Variants in ZNF385D observed in about 807,000 individuals in gnomAD.
The protein encoded by ZNF385D is zinc finger protein 385D.
In ZNF385D, 15 loss-of-function variants were observed where a neutral mutation model predicts 35.8. The ratio of observed to expected loss-of-function variants is 0.42; its 90% CI spans 0.28 to 0.64. The LOEUF is 0.64. Among genes scored for constraint, ZNF385D ranks in the 30% least tolerant of loss-of-function variants. The pLI, the probability that ZNF385D is intolerant of heterozygous loss-of-function variation, is 0.23. For missense variants in ZNF385D, 474 were observed against 494.6 expected (o/e 0.96, Z 0.39); for synonymous variants, 212 against 186.8 (o/e 1.13, Z -1.10).
chr3:21,772,770 G>C (rs144177580), intron 3 of ZNF385D, among the ~76,000 whole-genome samples: 182 of 152,034 alleles, frequency 1.2e-3, no homozygotes, highest in African/African-American at 4.3e-3. Flanking sequence ...GTTCATAACA[G>C]TGTTATTCAC....
intron 3 of ZNF385D, among the ~76,000 whole-genome samples, chr3:21,946,665 C>G (rs1361856166): frequency 6.6e-6 from 1 of 151,992 alleles, no homozygotes; most frequent in Non-Finnish European, 1.5e-5. Flanking sequence ...AACTCCGTCT[C>G]TATTAAAACT....
rs201074939 is a variant in ZNF385D, at chr3:21,765,643, C to A, written c.326-100615G>T. Among the ~76,000 whole-genome samples, 141 of 148,646 alleles carry A rather than the reference C, an allele frequency of 9.5e-4. 2 individuals carry two copies. The East Asian group carries it at 0.023, about 25-fold the overall frequency. ...GTGCAAGATGGATAAGCAACAACAA[C>A]AAAAAAAAAATAGAAAGAGGAAGAA... On this transcript the variant is annotated intron_variant, in intron 3 of 5. Transcript: ENST00000494108.
intron 3 of ZNF385D, among the ~76,000 whole-genome samples, chr3:21,967,673 C>G (rs1702987974): frequency 1.3e-5 from 2 of 152,186 alleles, no homozygotes; most frequent in African/African-American, 4.8e-5. Context: ...TTCTAACACA[C>G]AGAAGACCTT....
At chr3:22,114,941 C>T (rs957077742) in intron 3 of ZNF385D, among the ~76,000 whole-genome samples, 1 of 152,024 alleles carries the variant, frequency 6.6e-6, no homozygotes, top group Non-Finnish European at 1.5e-5. Context: ...CAAGAAGGGC[C>T]TCAACAGACA....
At chr3:21,678,430 C>A (rs534130569) in intron 1 of ZNF385D, among the ~76,000 whole-genome samples, 6 of 152,184 alleles carry the variant, frequency 3.9e-5, no homozygotes, top group African/African-American at 1.4e-4. Context: ...TCCCTCACAG[C>A]TATTCTTCTT....
intron 1 of ZNF385D, among the ~76,000 whole-genome samples, chr3:21,733,265 C>T (rs1210228621): frequency 2.0e-5 from 3 of 152,090 alleles, no homozygotes; most frequent in African/African-American, 7.2e-5. Flanking sequence ...TTCACCAATA[C>T]CACAATATCT....
intron 2 of ZNF385D, among the ~76,000 whole-genome samples, chr3:22,286,858 G>A (rs1702051124): frequency 6.6e-6 from 1 of 152,014 alleles, no homozygotes; most frequent in Non-Finnish European, 1.5e-5. Context: ...TTTTGTTGTT[G>A]GGTGGAATGT....
In ZNF385D at chr3:22,278,818, G is replaced by A. The variant is rs542791824; in HGVS notation, c.106+93632C>T. Among the ~76,000 whole-genome samples, 6 of 152,198 alleles carry A rather than the reference G, an allele frequency of 3.9e-5. No individual in the cohort carries two copies. The South Asian group carries it at 1.2e-3, about 32-fold the overall frequency. On this transcript the variant is annotated intron_variant, in intron 2 of 5. Transcript: ENST00000494108. ...CCTTCTCTTGGGCAGGGATCCAGAT[G>A]CTGGCTATCTTGTGGGGTCTGGGTT...
rs113245423 is a variant in ZNF385D, at chr3:21,957,648, C to G, written c.325+211169G>C. ...TTCTGCTTATGTTGGGGAATCACTG[C>G]AGGCTTTGTCTCCAGTTCTCTGCCT... On this transcript the variant is annotated intron_variant, in intron 3 of 5. Coordinates refer to the ZNF385D transcript ENST00000494108. 3.9e-4 allele frequency among the ~76,000 whole-genome samples: 60 copies of G among 152,226 alleles called. 1 individual carries two copies. The highest frequency in any genetic ancestry group is 1.3e-3 in the African/African-American group (55 of 41,552).
At chr3:21,501,628 A>G (rs1427047887) in intron 4 of ZNF385D, among the ~76,000 whole-genome samples, 1 of 152,204 alleles carries the variant, frequency 6.6e-6, no homozygotes, top group Non-Finnish European at 1.5e-5. Context: ...ATAGATACTC[A>G]TTTGACATTC....
intron 2 of ZNF385D, among the ~76,000 whole-genome samples, chr3:22,217,438 A>C (rs1027813235): frequency 2.0e-5 from 3 of 152,126 alleles, no homozygotes; most frequent in Non-Finnish European, 4.4e-5. Flanking sequence ...CAAAATTCCA[A>C]GTACATTTTA....
At chr3:22,340,015 T>C (rs970785691) in intron 2 of ZNF385D, among the ~76,000 whole-genome samples, 1 of 152,218 alleles carries the variant, frequency 6.6e-6, no homozygotes, top group African/African-American at 2.4e-5. Flanking sequence ...CTCATACTTA[T>C]TCCCCTCTTT....
intron 3 of ZNF385D, among the ~76,000 whole-genome samples, chr3:22,016,657 T>G (rs182040647): frequency 3.3e-5 from 5 of 152,156 alleles, no homozygotes; most frequent in African/African-American, 1.2e-4. Context: ...TTTAGGGGCT[T>G]TCTTAGCTCA....
intron 3 of ZNF385D, among the ~76,000 whole-genome samples, chr3:21,871,393 T>G (rs1419237915): frequency 1.3e-5 from 2 of 152,150 alleles, no homozygotes; most frequent in South Asian, 4.1e-4. Context: ...ACCCGAAATA[T>G]TAATACTATT....
intron 2 of ZNF385D, among the ~76,000 whole-genome samples, chr3:22,282,439 T>A (rs949127845): frequency 2.0e-5 from 3 of 152,100 alleles, no homozygotes; most frequent in Non-Finnish European, 4.4e-5. Flanking sequence ...GTCACTATTA[T>A]CATTTAGTTC....
At chr3:21,892,341 C>T (rs1698911738) in intron 3 of ZNF385D, among the ~76,000 whole-genome samples, 1 of 152,120 alleles carries the variant, frequency 6.6e-6, no homozygotes, top group African/African-American at 2.4e-5. Context: ...GAAATAATAG[C>T]AAATGACTGC....
intron 3 of ZNF385D, among the ~76,000 whole-genome samples, chr3:22,166,488 T>C (rs1205586035): frequency 6.6e-6 from 1 of 152,338 alleles, no homozygotes; most frequent in East Asian, 1.9e-4. Context: ...CAAGTTCAAC[T>C]ATTTAATAGC....
chr3:21,977,492 T>C (rs916551210), intron 3 of ZNF385D, among the ~76,000 whole-genome samples: 6 of 151,936 alleles, frequency 3.9e-5, no homozygotes, highest in Non-Finnish European at 8.8e-5. Flanking sequence ...GTAATAAAGA[T>C]AGGGTGGGAA....
chr3:21,419,134 T>TCTTC lies in ZNF385D; in HGVS notation c.*2076_*2079dup, dbSNP rs938978530. On this transcript the variant is annotated 3_prime_UTR_variant, in exon 8 of 8. Transcript: ENST00000281523. ...ACTGATGGAACACATTATCTTCCTTTCTTCCTTCCTTCCTTTTCTTCCCTT... is the reference window on the plus strand; with the variant it reads ...ACTGATGGAACACATTATCTTCCTTTCTTCCTTCCTTCCTTCCTTTTCTTCCCTT... The TCTTC allele has an allele frequency of 5.2e-5, 8 of 153,698 alleles. No homozygotes were observed. Among genetic ancestry groups the TCTTC allele is most frequent in the Non-Finnish European group, 7.3e-5 (5 of 68,548 alleles). The allele number at this position is 153,698 out of a possible 1,614,324, so 9.5% of individuals were successfully genotyped here.
Sources: gnomAD v4.1 joint callset for allele counts (sites outside exome capture counted in the v4.1 genomes callset) on GRCh38, gnomAD v4.1.1 for gene constraint, MANE v1.5 for transcripts, NCBI Gene and HGNC (gene_info 2026-07-23, HGNC 2026-07-21) for gene names.